GIT2: variants seen among roughly 807,000 people sequenced by gnomAD.
GIT2 encodes ARF GTPase-activating protein GIT2.
GIT2 carries 32 observed loss-of-function variants against 100.3 expected under a neutral mutation model. That is an observed-to-expected ratio of 0.32 (90% CI 0.24 to 0.43). The LOEUF is 0.43. GIT2 is among the 20% of genes least tolerant of loss of function. The pLI, the probability that GIT2 is intolerant of heterozygous loss-of-function variation, is 1.00. For synonymous variants in GIT2, 353 were observed against 364.1 expected (o/e 0.97, Z 0.35); for missense variants, 737 against 975.1 (o/e 0.76, Z 3.25).
intron 13 of GIT2, among the ~76,000 whole-genome samples, chr12:109,952,332 T>A (rs1319923826): frequency 6.6e-6 from 1 of 152,112 alleles, no homozygotes; most frequent in African/African-American, 2.4e-5. Context: ...CAGCTCACAC[T>A]CTGGTGCCGA....
At chr12:109,972,010 A>AAAT (rs1565989323) in intron 7 of GIT2, among the ~76,000 whole-genome samples, 1 of 141,664 alleles carries the variant, frequency 7.1e-6, no homozygotes, top group Non-Finnish European at 1.5e-5. Flanking sequence ...GGGAAAAAAA[A>AAAT]ATATATATAT....
upstream of GIT2, chr12:109,999,721 C>T: frequency 8.5e-6 from 13 of 1,537,444 alleles, no homozygotes; most frequent in Non-Finnish European, 1.1e-5. This position sits in a 1 kb window ranked among gnomAD's most constrained non-coding sequence, Gnocchi z 4.3. Context: ...GCGACCACTA[C>T]CCCCTGCACC....
At chr12:109,988,609 C>T (rs1260062721) in intron 4 of GIT2, among the ~76,000 whole-genome samples, 3 of 151,994 alleles carry the variant, frequency 2.0e-5, no homozygotes, top group Non-Finnish European at 2.9e-5. Flanking sequence ...AATCCCAACA[C>T]TAGGAGGCCG....
rs1871526207 is a variant in GIT2, at chr12:109,930,874, G to A, written c.*2104C>T. 2 of 152,258 alleles carry A rather than the reference G, an allele frequency of 1.3e-5. No homozygotes were observed. The highest frequency in any genetic ancestry group is 4.8e-5 in the African/African-American group (2 of 41,454). The allele number at this position is 152,258 out of a possible 1,614,324, so 9.4% of individuals were successfully genotyped here. A position where few individuals can be genotyped will look rare whatever the true frequency, so the allele number is the denominator to read the frequency against. On this transcript the variant is annotated 3_prime_UTR_variant, in exon 20 of 20. Transcript: ENST00000355312. ...AAGGAGGGTCAGCTAAGGACATGAA[G>A]CCTGCAGAAAAGGCTATCAGATGGC...
chr12:109,991,779 C>A lies in GIT2; in HGVS notation c.53-19G>T, dbSNP rs775327494. The A allele has an allele frequency of 6.2e-7, 1 of 1,605,840 alleles. No homozygotes were observed. The highest frequency in any genetic ancestry group is 1.3e-5 in the African/African-American group (1 of 74,662). ...GAAGGATCTGGAAAGAGAGTGAAAT[C>A]TCAGTGGCAGGGATACCAGCAGGTT... On this transcript the variant is annotated intron_variant, in intron 1 of 19. Coordinates refer to ENST00000355312, the MANE Select transcript of GIT2 (RefSeq NM_057169.5).
At chr12:109,975,613 T>C (rs1380336655) in intron 7 of GIT2, among the ~76,000 whole-genome samples, 1 of 152,124 alleles carries the variant, frequency 6.6e-6, no homozygotes, top group Non-Finnish European at 1.5e-5. Context: ...GACTTAAGTC[T>C]ATAATGTTAT....
chr12:109,943,390 C>T (rs1308741936), intron 16 of GIT2, among the ~76,000 whole-genome samples: 1 of 151,934 alleles, frequency 6.6e-6, no homozygotes, highest in Non-Finnish European at 1.5e-5. Context: ...TGCAGTGGTG[C>T]AATCTCGGCT....
chr12:109,987,245 G>A (rs1247661909), intron 4 of GIT2, among the ~76,000 whole-genome samples: 3 of 148,754 alleles, frequency 2.0e-5, no homozygotes, highest in South Asian at 2.2e-4. Context: ...TTAGCCGGGT[G>A]TGGTGGTGGG....
At chr12:109,987,886 C>A (rs964179066) in intron 4 of GIT2, among the ~76,000 whole-genome samples, 1 of 152,148 alleles carries the variant, frequency 6.6e-6, no homozygotes, top group African/African-American at 2.4e-5. Context: ...CAAAAACATG[C>A]GAAGGCCCAC....
chr12:109,985,419 AG>A (rs200835212), intron 4 of GIT2, among the ~76,000 whole-genome samples: 1 of 151,456 alleles, frequency 6.6e-6, no homozygotes, highest in Non-Finnish European at 1.5e-5. Flanking sequence ...GGATTAAAAA[AG>A]GGGGGGGAAA....
At chr12:109,999,808 T>C, upstream of GIT2, 1 of 1,516,958 alleles carries the variant, frequency 6.6e-7, no homozygotes, top group Non-Finnish European at 8.9e-7. The surrounding 1 kb of genome is among the most constrained non-coding windows in gnomAD (Gnocchi z 4.3). Context: ...CGGGGGTCCG[T>C]CTCCCGGTGG....
intron 1 of GIT2, chr12:109,991,992 A>C: frequency 2.3e-6 from 1 of 441,740 alleles, no homozygotes; most frequent in Non-Finnish European, 4.0e-6. Context: ...GTAAACAGTT[A>C]TCTTCTTTCT....
At chr12:109,977,995 A>G (rs1039371402) in intron 7 of GIT2, among the ~76,000 whole-genome samples, 6 of 151,738 alleles carry the variant, frequency 4.0e-5, no homozygotes, top group African/African-American at 1.5e-4. Context: ...ATGTGTCTCA[A>G]CTGTGGATTT....
intron 18 of GIT2, among the ~76,000 whole-genome samples, chr12:109,935,380 G>C (rs1156440097): frequency 1.3e-5 from 2 of 152,154 alleles, no homozygotes; most frequent in Non-Finnish European, 2.9e-5. Flanking sequence ...CAGTGACTGA[G>C]AACCACACTG....
At chr12:109,951,113 C>T in intron 14 of GIT2, 54 bp downstream of exon 14, 3 of 1,487,946 alleles carry the variant, frequency 2.0e-6, no homozygotes, top group Non-Finnish European at 2.8e-6. Flanking sequence ...TGAGATTCTT[C>T]CTTGTACTAT....
At position 109,962,927 on chromosome 12, in the gene GIT2, G is replaced by A. The variant is rs895856096; in HGVS notation, c.817-1242C>T. On this transcript the variant is annotated intron_variant, in intron 9 of 19. Transcript: ENST00000355312. This position sits in a 1 kb window ranked among gnomAD's most constrained non-coding sequence, Gnocchi z 4.3. ...AGAGGCAGGAAGATCACTCACTTGA[G>A]CCTGGGAGTTCAAGGCTGCAGTGAG... Among the ~76,000 whole-genome samples, 1 of 152,134 alleles carries A rather than the reference G, an allele frequency of 6.6e-6. No homozygotes were observed. The highest frequency in any genetic ancestry group is 2.4e-5 in the African/African-American group (1 of 41,438).
At chr12:109,949,890 T>C (rs193002017) in intron 14 of GIT2, among the ~76,000 whole-genome samples, 202 of 152,286 alleles carry the variant, frequency 1.3e-3, no homozygotes, top group African/African-American at 4.3e-3. Context: ...CTAAATAAAA[T>C]ATATTCCAAA....
At chr12:109,977,459 C>T (rs1593107437) in intron 7 of GIT2, among the ~76,000 whole-genome samples, 2 of 152,046 alleles carry the variant, frequency 1.3e-5, no homozygotes, top group Non-Finnish European at 2.9e-5. Flanking sequence ...TTCAGTGAGT[C>T]GAGATCACGC....
intron 12 of GIT2, among the ~76,000 whole-genome samples, chr12:109,957,907 A>C (rs1173705813): frequency 2.0e-5 from 3 of 152,154 alleles, no homozygotes; most frequent in Non-Finnish European, 4.4e-5. Flanking sequence ...TTATCAAATC[A>C]AAGAGCAGGT....
Sources: gnomAD v4.1 joint callset for allele counts (sites outside exome capture counted in the v4.1 genomes callset) on GRCh38, gnomAD v4.1.1 for gene constraint, Gnocchi (gnomAD v3.1) non-coding constraint, MANE v1.5 for transcripts, NCBI Gene and HGNC (gene_info 2026-07-23, HGNC 2026-07-21) for gene names.